The following GPALPP1 variants were observed in gnomAD, a reference collection of about 807,000 sequenced individuals.
GPALPP1 encodes the protein GPALPP motifs-containing protein 1.
In GPALPP1, 30 loss-of-function variants were observed where a neutral mutation model predicts 38.9. The observed-to-expected ratio is 0.77, with a 90% CI of 0.58 to 1.05. The LOEUF (loss-of-function observed/expected upper bound fraction) is 1.05. Ranked by LOEUF, GPALPP1 falls within the 50% of genes least tolerant of loss-of-function variation. The pLI is 0.00. For synonymous variants in GPALPP1, 120 were observed against 139.2 expected (o/e 0.86, Z 0.97); for missense variants, 384 against 408.8 (o/e 0.94, Z 0.52).
chr13:45,013,104 A>G (rs1874594457), intron 4 of GPALPP1, among the ~76,000 whole-genome samples: 1 of 152,228 alleles, frequency 6.6e-6, no homozygotes, highest in African/African-American at 2.4e-5. Context: ...TAAGGAAAAT[A>G]TGTTTCATAC....
chr13:45,010,932 G>A (rs1174882124), intron 4 of GPALPP1, among the ~76,000 whole-genome samples: 1 of 152,128 alleles, frequency 6.6e-6, no homozygotes, highest in Non-Finnish European at 1.5e-5. Context: ...GCAGTGAGCT[G>A]AGATCATGCC....
chr13:45,034,560 TGAGGAAC>T (rs1358387569), downstream of GPALPP1: 5 of 152,052 alleles, frequency 3.3e-5, no homozygotes, highest in Admixed American at 3.3e-4. Flanking sequence ...CTTTGGTGTT[TGAGGAAC>T]TGCTCCAGTA....
chr13:45,034,942 G>T (rs1258066792), downstream of GPALPP1: 2 of 132,408 alleles, frequency 1.5e-5, no homozygotes, highest in East Asian at 4.7e-4. Flanking sequence ...CGCCATGTTG[G>T]CCAGGCTGGT....
In GPALPP1 at chr13:45,027,657, A is replaced by C. The variant is rs530218589; in HGVS notation, c.805-128A>C. The stretch of plus-strand genomic sequence containing the variant: ...CTGTCTTGGATTTGGAAAAAAAAAA[A>C]CTACTGGGGTTTGTAAATAGCCCTC... On this transcript the variant is annotated intron_variant, in intron 7 of 7. Transcript: ENST00000379151. The C allele has an allele frequency of 1.2e-5, 6 of 517,538 alleles. No individual in the cohort carries two copies. In the South Asian group the frequency reaches 2.2e-4, roughly 19 times the overall value. 32.1% of individuals were successfully genotyped at this position (517,538 alleles called of 1,614,324 possible). A position where few individuals can be genotyped will look rare whatever the true frequency, so the allele number is the denominator to read the frequency against.
Position 45,004,423 on chromosome 13 carries a change from T to C in GPALPP1, c.207T>C (p.Ser69=), listed in dbSNP as rs775753167. ...ATCAAGAATCTGAAGAAGATGACAG[T>C]GGTCCAACTGCAAGGTCAGTCATTT... ...EGNQESEEDD[S]GPTARKQRKN... Residue 69 remains serine (S), a synonymous_variant, in exon 2 of 8, where the codon AGT becomes AGC. Transcript: ENST00000379151. 6.2e-6 allele frequency: 10 copies of C among 1,609,298 alleles called. No individual in the cohort carries two copies. The highest frequency in any genetic ancestry group is 6.8e-6 in the Non-Finnish European group (8 of 1,175,918).
At chr13:44,989,881 C>T in intron 1 of GPALPP1, 139 bp downstream of exon 1, 1 of 631,884 alleles carries the variant, frequency 1.6e-6, no homozygotes, top group Non-Finnish European at 2.8e-6. Context: ...GAACTTTTCT[C>T]TTCCCAAACA....
chr13:45,009,007 C>G (rs1395269586), intron 4 of GPALPP1, 128 bp downstream of exon 4: 1 of 713,472 alleles, frequency 1.4e-6, no homozygotes. Context: ...TAATGTAAGA[C>G]TCAGTTATAT....
chr13:45,023,594 T>A (rs2138011416), intron 7 of GPALPP1, among the ~76,000 whole-genome samples: 1 of 152,326 alleles, frequency 6.6e-6, no homozygotes, highest in East Asian at 1.9e-4. Context: ...TCCCTACAAC[T>A]CCATTCTTTC....
chr13:45,023,324 CT>C (rs1875556096), intron 7 of GPALPP1, among the ~76,000 whole-genome samples: 1 of 152,152 alleles, frequency 6.6e-6, no homozygotes, highest in Non-Finnish European at 1.5e-5. Context: ...CCTGAAACAA[CT>C]GATATAAAAG....
chr13:45,015,712 A>T, intron 6 of GPALPP1, 116 bp downstream of exon 6: 1 of 665,154 alleles, frequency 1.5e-6, no homozygotes, highest in Non-Finnish European at 2.3e-6. Flanking sequence ...TTCCAAAAGG[A>T]TAATGCGGAT....
At chr13:45,003,610 G>A (rs1203835297) in intron 1 of GPALPP1, among the ~76,000 whole-genome samples, 1 of 152,146 alleles carries the variant, frequency 6.6e-6, no homozygotes, top group Non-Finnish European at 1.5e-5. Context: ...GACATCATCA[G>A]TGACATCATG....
At chr13:45,009,502 A>G (rs1874329469) in intron 4 of GPALPP1, among the ~76,000 whole-genome samples, 1 of 152,204 alleles carries the variant, frequency 6.6e-6, no homozygotes, top group Non-Finnish European at 1.5e-5. Flanking sequence ...TACAAATGCT[A>G]AAGACCAAAA....
At chr13:45,011,170 T>A (rs1566078373) in intron 4 of GPALPP1, among the ~76,000 whole-genome samples, 1 of 151,720 alleles carries the variant, frequency 6.6e-6, no homozygotes, top group Non-Finnish European at 1.5e-5. Context: ...AGAAGTTCAA[T>A]ATGGTTAGAA....
intron 1 of GPALPP1, among the ~76,000 whole-genome samples, chr13:44,995,202 A>ACACACC (rs755761092): frequency 0.012 from 633 of 54,546 alleles, 7 homozygotes; most frequent in Middle Eastern, 0.026. Context: ...ACACACACAC[A>ACACACC]CCCCTTCTCT....
chr13:45,014,956 C>T lies in GPALPP1; in HGVS notation c.413C>T (p.Thr138Ile), dbSNP rs1271189749. ...KGRDDPGQQE[T>I]DSSEDEDIIG... The stretch of plus-strand genomic sequence containing the variant: ...GGTAATGTCTTGTTTTAAAAGGAAA[C>T]AGACAGCAGTGAAGATGAGGATATT... Residue 138 changes from threonine (T) to isoleucine (I), a missense_variant, in exon 5 of 8, where the codon ACA (threonine) becomes ATA (isoleucine). By Grantham distance (89) the Thr-to-Ile change is moderately conservative. Coordinates refer to ENST00000379151, the MANE Select transcript of GPALPP1 (RefSeq NM_018559.5). The T allele has an allele frequency of 6.3e-7, 1 of 1,583,124 alleles. No homozygotes were observed. The highest frequency in any genetic ancestry group is 2.3e-5 in the East Asian group (1 of 44,002).
rs192008521 is a variant in GPALPP1 at position 45,004,438 on chromosome 13, G to T, written c.221+1G>T. The stretch of plus-strand genomic sequence containing the variant: ...AAGATGACAGTGGTCCAACTGCAAG[G>T]TCAGTCATTTAATTAAATTAAATGA... On this transcript the variant is annotated splice_donor_variant, in intron 2 of 7. Transcript: ENST00000379151. LOFTEE classifies it high-confidence loss of function. The T allele has an allele frequency of 6.2e-7, 1 of 1,607,196 alleles. No individual in the cohort carries two copies. The highest frequency in any genetic ancestry group is 8.5e-7 in the Non-Finnish European group (1 of 1,174,540).
At chr13:45,026,879 C>T (rs1279932782) in intron 7 of GPALPP1, among the ~76,000 whole-genome samples, 1 of 152,120 alleles carries the variant, frequency 6.6e-6, no homozygotes, top group Non-Finnish European at 1.5e-5. Context: ...AAGACTTTTG[C>T]TTTCCTAAAC....
intron 1 of GPALPP1, among the ~76,000 whole-genome samples, chr13:44,990,801 C>G (rs1344214898): frequency 6.6e-6 from 1 of 152,192 alleles, no homozygotes; most frequent in Non-Finnish European, 1.5e-5. Flanking sequence ...AAAAATTATG[C>G]CTTCCAGCTG....
At chr13:45,023,393 A>T (rs545722561) in intron 7 of GPALPP1, among the ~76,000 whole-genome samples, 2 of 152,364 alleles carry the variant, frequency 1.3e-5, no homozygotes, top group Admixed American at 1.3e-4. Flanking sequence ...TGATTGTATA[A>T]TAATAGTCCA....
Sources: gnomAD v4.1 joint callset for allele counts (sites outside exome capture counted in the v4.1 genomes callset) on GRCh38, gnomAD v4.1.1 for gene constraint, MANE v1.5 for transcripts, NCBI Gene and HGNC (gene_info 2026-07-23, HGNC 2026-07-21) for gene names.